The following DGKG variants were observed in gnomAD, a reference collection of about 807,000 sequenced individuals.
The protein encoded by DGKG is DAG kinase gamma.
Under a neutral mutation model 105.3 loss-of-function variants are expected in DGKG, and 78 were observed. That is an observed-to-expected ratio of 0.74 (90% CI 0.62 to 0.89). The LOEUF is 0.89. Among genes scored for constraint, DGKG ranks in the 40% least tolerant of loss-of-function variants. The probability of loss-of-function intolerance (pLI) is 0.00; values close to 1 mark genes in which losing one functional copy is unlikely to be tolerated. For missense variants in DGKG, 958 were observed against 1,020.1 expected (o/e 0.94, Z 0.83); for synonymous variants, 346 against 367.1 (o/e 0.94, Z 0.66).
rs907207256 is a variant in DGKG at position 186,209,322 on chromosome 3, G to A, written c.1917+2473C>T. Among the ~76,000 whole-genome samples, 4 of 151,816 alleles carry A rather than the reference G, an allele frequency of 2.6e-5. No homozygotes were observed. In the East Asian group the frequency reaches 7.8e-4, roughly 29 times the overall value. On this transcript the variant is annotated intron_variant, in intron 21 of 24. Transcript: ENST00000265022. Reference sequence around the variant, plus strand: ...TCACCATGTTGGCCAAGCTGGTCTCGAACTCCTGACCGCTGGTGATCCACC... The same window carrying A: ...TCACCATGTTGGCCAAGCTGGTCTCAAACTCCTGACCGCTGGTGATCCACC...
In DGKG at chr3:186,189,962, C is replaced by T. The variant is rs572449655; in HGVS notation, c.1918-1583G>A. On this transcript the variant is annotated intron_variant, in intron 21 of 24. Transcript: ENST00000265022. ...GATAGATGATGATGATGATGAAGAT[C>T]ACCATTGTGCACATGTATTCAGCAC... Among the ~76,000 whole-genome samples, 3 of 152,314 alleles carry T rather than the reference C, an allele frequency of 2.0e-5. No homozygotes were observed. The East Asian group carries it at 5.8e-4, about 29-fold the overall frequency.
rs767715845 is a variant in DGKG, at chr3:186,276,551, C to T, written c.793-887G>A. Among the ~76,000 whole-genome samples, 19 of 152,280 alleles carry T rather than the reference C, an allele frequency of 1.2e-4. No homozygotes were observed. In the South Asian group the frequency reaches 2.1e-3, roughly 17 times the overall value. Reference sequence around the variant, plus strand: ...GTATTTCTCCTATCAACTTTCGGTACGCAGAAAAAATAGTGAAAAGACAGA... The same window carrying T: ...GTATTTCTCCTATCAACTTTCGGTATGCAGAAAAAATAGTGAAAAGACAGA... On this transcript the variant is annotated intron_variant, in intron 9 of 24. Coordinates refer to ENST00000265022, the MANE Select transcript of DGKG (RefSeq NM_001346.3).
intron 20 of DGKG, among the ~76,000 whole-genome samples, chr3:186,234,070 G>T (rs942126323): frequency 1.3e-5 from 2 of 152,226 alleles, no homozygotes; most frequent in South Asian, 2.1e-4. Context: ...CTGCACTTGA[G>T]GATGGCTCTG....
At chr3:186,334,556 G>C (rs1020477795) in intron 1 of DGKG, among the ~76,000 whole-genome samples, 1 of 152,172 alleles carries the variant, frequency 6.6e-6, no homozygotes, top group African/African-American at 2.4e-5. Flanking sequence ...TCCCTGGATG[G>C]CCTCCTCTAC....
In DGKG at chr3:186,357,096, G is replaced by GCT. The variant is rs1240936778; in HGVS notation, c.-249+4848_-249+4849dup. Among the ~76,000 whole-genome samples the GCT allele has an allele frequency of 5.3e-5, 8 of 152,218 alleles. No homozygotes were observed. The East Asian group carries it at 1.5e-3, about 29-fold the overall frequency. Reference sequence around the variant, plus strand: ...GTGGGGAGTTGGAGCAGTTGGGGGAGCTGGAACAGATGATCTTAGTAGTTA... The same window carrying GCT: ...GTGGGGAGTTGGAGCAGTTGGGGGAGCTCTGGAACAGATGATCTTAGTAGTTA... On this transcript the variant is annotated intron_variant, in intron 1 of 24. Coordinates refer to ENST00000265022, the MANE Select transcript of DGKG (RefSeq NM_001346.3).
At position 186,185,867 on chromosome 3, in the gene DGKG, C is replaced by T. The variant is rs575075319; in HGVS notation, c.2095+2335G>A. On this transcript the variant is annotated intron_variant, in intron 22 of 24. Transcript: ENST00000265022. ...ATCCCAGCACTTTGGGAGGCTGAGG[C>T]GGGTGGATCACCTGAGGGCAGGAGT... is the stretch of plus-strand genomic sequence containing the variant. Among the ~76,000 whole-genome samples, 317 of 152,008 alleles carry T rather than the reference C, an allele frequency of 2.1e-3. 3 individuals carry two copies. The highest frequency in any genetic ancestry group is 7.0e-3 in the African/African-American group (292 of 41,470).
intron 20 of DGKG, among the ~76,000 whole-genome samples, chr3:186,212,687 C>G (rs1159208359): frequency 6.6e-6 from 1 of 152,132 alleles, no homozygotes; most frequent in Non-Finnish European, 1.5e-5. Context: ...TGTCCTGACA[C>G]TTGGTGCTTT....
intron 7 of DGKG, among the ~76,000 whole-genome samples, chr3:186,282,922 T>G (rs1038050595): frequency 4.6e-5 from 7 of 151,208 alleles, no homozygotes; most frequent in Non-Finnish European, 7.4e-5. Flanking sequence ...TTTTTTTAAT[T>G]TTTTTGAGAC....
intron 1 of DGKG, among the ~76,000 whole-genome samples, chr3:186,338,873 T>C (rs1284883441): frequency 2.6e-5 from 4 of 152,218 alleles, no homozygotes; most frequent in African/African-American, 9.6e-5. Context: ...CATATCAATG[T>C]ATACTATGTA....
chr3:186,268,909 C>T lies in DGKG; in HGVS notation c.1008G>A (p.Gln336=). Residue 336 remains glutamine, a synonymous_variant, in exon 12 of 25, where the codon CAG becomes CAA. Coordinates refer to ENST00000265022, the MANE Select transcript of DGKG (RefSeq NM_001346.3). ...AGGAGTTCCCTTCCACCCATGCGTG[C>T]TGCATCACCTGCGGGAGGGAAGCGA... ...SKAKRSGEVM[Q]HAWVEGNSSV... The T allele has an allele frequency of 1.2e-6, 2 of 1,612,186 alleles. No individual in the cohort carries two copies. The highest frequency in any genetic ancestry group is 1.7e-6 in the Non-Finnish European group (2 of 1,178,472).
intron 24 of DGKG, chr3:186,161,063 T>C: frequency 1.0e-5 from 10 of 986,720 alleles, no homozygotes; most frequent in Non-Finnish European, 1.2e-5. Flanking sequence ...TCAGTGGAAT[T>C]TTCAAGTAGG....
Position 186,226,165 on chromosome 3 carries a change from CTT to C in DGKG, c.1827-14282_1827-14281del, listed in dbSNP as rs1426223260. ...ATTTACCTTTTCCCTGAACTCACCA[CTT>C]TGTACAAACCATGATTATTGTGAAT... On this transcript the variant is annotated intron_variant, in intron 20 of 24. Transcript: ENST00000265022. The surrounding 1 kb of genome is among the most constrained non-coding windows in gnomAD (Gnocchi z 4.2). 6.6e-6 allele frequency among the ~76,000 whole-genome samples: 1 copy of C among 152,194 alleles called. No individual in the cohort carries two copies. Among genetic ancestry groups the C allele is most frequent in the Non-Finnish European group, 1.5e-5 (1 of 68,032 alleles).
At chr3:186,161,552 G>C in intron 24 of DGKG, 51 bp downstream of exon 24, 2 of 1,613,514 alleles carry the variant, frequency 1.2e-6, no homozygotes, top group East Asian at 4.5e-5. Context: ...TGCCCAAAAG[G>C]GCTCAAAAAT....
intron 24 of DGKG, among the ~76,000 whole-genome samples, chr3:186,155,692 A>ATAT (rs1266320153): frequency 6.6e-6 from 1 of 152,244 alleles, no homozygotes; most frequent in Non-Finnish European, 1.5e-5. Flanking sequence ...AGATCAACGT[A>ATAT]TATTAATATT....
At chr3:186,259,896 A>G (rs1001837783) in intron 16 of DGKG, among the ~76,000 whole-genome samples, 1 of 152,226 alleles carries the variant, frequency 6.6e-6, no homozygotes, top group Non-Finnish European at 1.5e-5. Context: ...GCCAATGAGT[A>G]AGTGGCAGGA....
At chr3:186,216,020 G>T (rs1719274092) in intron 20 of DGKG, among the ~76,000 whole-genome samples, 1 of 151,292 alleles carries the variant, frequency 6.6e-6, no homozygotes, top group Non-Finnish European at 1.5e-5. Context: ...GGGGGGTGGG[G>T]CAGAGTCTCA....
intron 11 of DGKG, among the ~76,000 whole-genome samples, chr3:186,269,137 G>A (rs955870488): frequency 1.3e-5 from 2 of 152,242 alleles, no homozygotes; most frequent in African/African-American, 2.4e-5. Flanking sequence ...TTAAAAGCTC[G>A]CTTTGCCACA....
At chr3:186,354,117 T>C (rs1034330777) in intron 1 of DGKG, among the ~76,000 whole-genome samples, 1 of 152,066 alleles carries the variant, frequency 6.6e-6, no homozygotes. Flanking sequence ...GGGGGCTAGA[T>C]GAGAGTAACC....
intron 20 of DGKG, among the ~76,000 whole-genome samples, chr3:186,215,374 G>C (rs976239113): frequency 2.8e-5 from 4 of 144,054 alleles, no homozygotes; most frequent in African/African-American, 1.0e-4. Flanking sequence ...ATGCACCACT[G>C]CACTCCAGCC....
Sources: allele counts gnomAD v4.1 joint callset (sites outside exome capture counted in the v4.1 genomes callset), GRCh38; gene constraint gnomAD v4.1.1; non-coding constraint Gnocchi (gnomAD v3.1); transcripts MANE v1.5; gene names NCBI Gene and HGNC (gene_info 2026-07-23, HGNC 2026-07-21).